Variants in GALNT13 observed in about 807,000 individuals in gnomAD.
GALNT13 encodes the protein polypeptide N-acetylgalactosaminyltransferase 13, also known as UDP-GalNAc:polypeptide N-acetylgalactosaminyltransferase 13.
In GALNT13, 28 loss-of-function variants were observed where a neutral mutation model predicts 64.2. The ratio of observed to expected loss-of-function variants is 0.44; its 90% CI spans 0.32 to 0.60. The LOEUF (loss-of-function observed/expected upper bound fraction) is 0.60. GALNT13 is among the 20% of genes least tolerant of loss of function. GALNT13 has a pLI of 0.05. For synonymous variants in GALNT13, 214 were observed against 224.6 expected, an observed-to-expected ratio of 0.95 and a Z score of 0.42; for missense variants, 577 against 669.8, an observed-to-expected ratio of 0.86 and a Z score of 1.53.
chr2:153,621,322 C>T, the GALNT13 span, among the ~76,000 whole-genome samples: 2 of 152,240 alleles, frequency 1.3e-5, no homozygotes, highest in Admixed American at 1.3e-4. Flanking sequence ...ATAGTCATAC[C>T]TTACTTTTAA....
chr2:153,576,696 A>G, the GALNT13 span, among the ~76,000 whole-genome samples: 1 of 152,160 alleles, frequency 6.6e-6, no homozygotes, highest in South Asian at 2.1e-4. Flanking sequence ...CAGTGATAGG[A>G]AGATAAAACT....
chr2:154,055,058 A>G (rs929397084), intron 3 of GALNT13, among the ~76,000 whole-genome samples: 2 of 151,778 alleles, frequency 1.3e-5, no homozygotes, highest in African/African-American at 4.8e-5. Context: ...TGGAGGTTTG[A>G]TCAAGAATCT....
the GALNT13 span, among the ~76,000 whole-genome samples, chr2:153,524,295 C>A: frequency 6.7e-6 from 1 of 149,612 alleles, no homozygotes; most frequent in African/African-American, 2.5e-5. Flanking sequence ...ATGCTGGCTT[C>A]ATAGAATAAG....
At chr2:153,409,164 A>T in the GALNT13 span, among the ~76,000 whole-genome samples, 3 of 151,592 alleles carry the variant, frequency 2.0e-5, no homozygotes, top group African/African-American at 7.3e-5. Flanking sequence ...AGGTGTTGGG[A>T]CTCGGACTGA....
At chr2:153,232,421 T>A in the GALNT13 span, among the ~76,000 whole-genome samples, 484 of 152,334 alleles carry the variant, frequency 3.2e-3, 1 homozygote, top group African/African-American at 0.011. Flanking sequence ...TTGGTAGAAA[T>A]GCTACTAAAG....
the GALNT13 span, among the ~76,000 whole-genome samples, chr2:153,830,309 T>C: frequency 6.6e-6 from 1 of 152,164 alleles, no homozygotes; most frequent in Non-Finnish European, 1.5e-5. Context: ...TATGAAGACA[T>C]TGAATTTCAC....
intron 3 of GALNT13, among the ~76,000 whole-genome samples, chr2:153,986,360 G>T (rs928863624): frequency 3.9e-5 from 6 of 151,918 alleles, no homozygotes; most frequent in African/African-American, 1.5e-4. Flanking sequence ...TGTTCTAAAT[G>T]AGATATTCCT....
chr2:154,079,004 A>G lies in GALNT13; in HGVS notation c.143-61333A>G, dbSNP rs1053232037. ...ATGCTGGCATATGGCACATTTAGCT[A>G]TTATCATTTCAAGATAATTTCCTTG... On this transcript the variant is annotated intron_variant, in intron 3 of 12. Transcript: ENST00000392825. Among the ~76,000 whole-genome samples, 3 of 151,784 alleles carry G rather than the reference A, an allele frequency of 2.0e-5. 1 individual carries two copies. Among genetic ancestry groups the G allele is most frequent in the East Asian group, 3.9e-4 (2 of 5,156 alleles).
chr2:153,277,923 C>CTTTTTTTTTTTTTTTTT, the GALNT13 span, among the ~76,000 whole-genome samples: 259 of 78,904 alleles, frequency 3.3e-3, 91 homozygotes, highest in Non-Finnish European at 4.4e-3. Context: ...GTTTTCTTTT[C>CTTTTTTTTTTTTTTTTT]TTTCTTTTTT....
chr2:154,274,489 G>C (rs539468454), intron 8 of GALNT13, among the ~76,000 whole-genome samples: 2 of 152,124 alleles, frequency 1.3e-5, no homozygotes, highest in Non-Finnish European at 1.5e-5. Flanking sequence ...TAGTCCCCAC[G>C]TGTCATGGAA....
chr2:153,721,749 G>A, the GALNT13 span, among the ~76,000 whole-genome samples: 5 of 151,864 alleles, frequency 3.3e-5, no homozygotes, highest in East Asian at 1.9e-4. Flanking sequence ...TTCAACAAGA[G>A]GAGCTAACTA....
intron 3 of GALNT13, among the ~76,000 whole-genome samples, chr2:154,035,463 C>G (rs1014122009): frequency 6.6e-6 from 1 of 151,956 alleles, no homozygotes; most frequent in Non-Finnish European, 1.5e-5. Context: ...TTCTCCATCA[C>G]AGAATATAAA....
At chr2:153,258,558 C>T in the GALNT13 span, among the ~76,000 whole-genome samples, 20 of 151,926 alleles carry the variant, frequency 1.3e-4, no homozygotes, top group African/African-American at 2.7e-4. Context: ...GTTGTTTATT[C>T]GAAGTTTTTC....
the GALNT13 span, among the ~76,000 whole-genome samples, chr2:153,800,045 G>GCTCTCTCTCTCTCTCTCTCT: frequency 0.016 from 1,948 of 118,834 alleles, 56 homozygotes; most frequent in Non-Finnish European, 0.024. Flanking sequence ...CATTTAGTTT[G>GCTCTCTCTCTCTCTCTCTCT]CTCTCTCTCT....
At chr2:153,753,313 C>T in the GALNT13 span, among the ~76,000 whole-genome samples, 1 of 152,128 alleles carries the variant, frequency 6.6e-6, no homozygotes, top group African/African-American at 2.4e-5. Context: ...AGATGTTCAT[C>T]TGTGGCTGGG....
At chr2:153,337,309 C>G in the GALNT13 span, among the ~76,000 whole-genome samples, 5 of 152,328 alleles carry the variant, frequency 3.3e-5, no homozygotes, top group East Asian at 9.6e-4. Flanking sequence ...ATTGCTCATT[C>G]TTTTCCAGCT....
chr2:153,655,247 A>C, the GALNT13 span, among the ~76,000 whole-genome samples: 3 of 152,122 alleles, frequency 2.0e-5, no homozygotes, highest in Non-Finnish European at 4.4e-5. Flanking sequence ...TTGAGATATT[A>C]AACATTTTTC....
the GALNT13 span, among the ~76,000 whole-genome samples, chr2:153,255,408 C>T: frequency 7.1e-6 from 1 of 140,396 alleles, no homozygotes; most frequent in African/African-American, 2.8e-5. Flanking sequence ...ACTGATGGAT[C>T]TTGACTCTTT....
the GALNT13 span, among the ~76,000 whole-genome samples, chr2:153,533,197 T>C: frequency 1.3e-5 from 2 of 152,186 alleles, no homozygotes; most frequent in African/African-American, 4.8e-5. Context: ...GGTATAATGA[T>C]AGGCCTAGGT....
Sources: gnomAD v4.1 joint callset for allele counts (sites outside exome capture counted in the v4.1 genomes callset) on GRCh38, gnomAD v4.1.1 for gene constraint, MANE v1.5 for transcripts, NCBI Gene and HGNC (gene_info 2026-07-23, HGNC 2026-07-21) for gene names.